The following SMS variants were observed in gnomAD, a reference collection of about 807,000 sequenced individuals.
SMS encodes spermine synthase.
Under a neutral mutation model 33.0 loss-of-function variants are expected in SMS, and 3 were observed. The ratio of observed to expected loss-of-function variants is 0.09; its 90% CI spans 0.04 to 0.23. The LOEUF (loss-of-function observed/expected upper bound fraction) is 0.23, where lower values mean the gene tolerates loss of function less well. Ranked by LOEUF, SMS falls within the 10% of genes least tolerant of loss-of-function variation. The pLI, the probability that SMS is intolerant of heterozygous loss-of-function variation, is 1.00. For synonymous variants in SMS, 103 were observed against 112.2 expected, an observed-to-expected ratio of 0.92 and a Z score of 0.52; for missense variants, 117 against 288.6, an observed-to-expected ratio of 0.41 and a Z score of 4.31.
chrX:21,943,938 T>G (rs1922005378), intron 1 of SMS, among the ~76,000 whole-genome samples: 1 of 111,859 alleles, frequency 8.9e-6, no homozygotes, highest in Non-Finnish European at 1.9e-5. Context: ...TGGATGTGAC[T>G]CAAGGGTGAG....
At chrX:21,989,784 C>G (rs918224850) in intron 9 of SMS, among the ~76,000 whole-genome samples, 1 of 111,215 alleles carries the variant, frequency 9.0e-6, no homozygotes, top group Non-Finnish European at 1.9e-5. Context: ...ACTCTGTGGC[C>G]CAGGCTAGAG....
chrX:21,949,685 T>A (rs1460861478), intron 1 of SMS, among the ~76,000 whole-genome samples: 2 of 112,288 alleles, frequency 1.8e-5, no homozygotes, highest in African/African-American at 6.5e-5. Context: ...GAATTCTCCC[T>A]TCTAGAAGGA....
At chrX:21,970,934 C>T (rs1179580371) in intron 2 of SMS, among the ~76,000 whole-genome samples, 1 of 109,694 alleles carries the variant, frequency 9.1e-6, no homozygotes, top group Non-Finnish European at 1.9e-5. Flanking sequence ...TGGTGGCTCA[C>T]GCCTGTAGTC....
At chrX:21,990,911 C>T (rs1280840608) in intron 9 of SMS, among the ~76,000 whole-genome samples, 2 of 112,513 alleles carry the variant, frequency 1.8e-5, no homozygotes, top group Non-Finnish European at 3.7e-5. Flanking sequence ...GCGAAGGGCA[C>T]TTTGGCCATG....
chrX:21,948,439 C>CTTGTTTTTTTTTTTTTTT (rs1922381909), intron 1 of SMS, among the ~76,000 whole-genome samples: 1 of 80,206 alleles, frequency 1.2e-5, no homozygotes, highest in Admixed American at 1.3e-4. Context: ...GTCAATGTGT[C>CTTGTTTTTTTTTTTTTTT]TTTTTTTTTT....
intron 1 of SMS, among the ~76,000 whole-genome samples, chrX:21,941,585 G>A (rs1369994273): frequency 1.8e-5 from 2 of 110,543 alleles, no homozygotes; most frequent in South Asian, 7.6e-4. Context: ...CCCGAATCGG[G>A]GAGCTATCAA....
chrX:21,994,066 G>A lies in SMS; in HGVS notation c.1062-246G>A, dbSNP rs150974804. ...GACTTTGGAAGCAGTAGTGTTACCT[G>A]AGAGAATATTTGTGTTCCTTTAGCC... On this transcript the variant is annotated intron_variant, in intron 10 of 10. Coordinates refer to ENST00000404933, the MANE Select transcript of SMS (RefSeq NM_004595.5). Among the ~76,000 whole-genome samples the A allele has an allele frequency of 2.7e-5, 3 of 110,024 alleles. No individual in the cohort carries two copies. The East Asian group carries it at 8.6e-4, about 31-fold the overall frequency.
At chrX:21,950,605 C>T (rs990265526) in intron 1 of SMS, among the ~76,000 whole-genome samples, 51 of 107,946 alleles carry the variant, frequency 4.7e-4, no homozygotes, top group Non-Finnish European at 5.8e-4. Flanking sequence ...TTGCCCCCCA[C>T]CCCCTGACAG....
intron 7 of SMS, among the ~76,000 whole-genome samples, chrX:21,980,544 A>C (rs1348057819): frequency 9.3e-6 from 1 of 107,828 alleles, no homozygotes; most frequent in Non-Finnish European, 1.9e-5. Flanking sequence ...TGCAATAGAG[A>C]TGAAACTACC....
chrX:21,979,880 T>C (rs993568262), intron 7 of SMS, among the ~76,000 whole-genome samples: 3 of 107,820 alleles, frequency 2.8e-5, no homozygotes, highest in African/African-American at 1.0e-4. Context: ...TTCCTGACTT[T>C]TTAATGATGG....
At chrX:21,956,306 A>C (rs943751036) in intron 1 of SMS, among the ~76,000 whole-genome samples, 2 of 111,498 alleles carry the variant, frequency 1.8e-5, no homozygotes, top group African/African-American at 6.5e-5. Context: ...TTTTCACGCC[A>C]CTGTCTCTGT....
At chrX:21,979,457 G>C (rs1262773076) in intron 7 of SMS, among the ~76,000 whole-genome samples, 1 of 109,773 alleles carries the variant, frequency 9.1e-6, no homozygotes, top group East Asian at 2.9e-4. Context: ...TGCGGTGTTT[G>C]GTTTTCTGTT....
chrX:21,983,113 C>T (rs771251954), intron 7 of SMS, among the ~76,000 whole-genome samples: 1 of 111,415 alleles, frequency 9.0e-6, no homozygotes, highest in South Asian at 3.8e-4. Context: ...GATCATGGCT[C>T]ACTACAGCCT....
At chrX:21,991,191 T>C (rs983095597) in intron 9 of SMS, among the ~76,000 whole-genome samples, 10 of 112,020 alleles carry the variant, frequency 8.9e-5, no homozygotes, top group African/African-American at 3.3e-4. Context: ...CTTTTTTTTT[T>C]TCTGAATTGG....
chrX:21,949,459 G>A (rs998733868), intron 1 of SMS, among the ~76,000 whole-genome samples: 2 of 112,332 alleles, frequency 1.8e-5, no homozygotes, highest in Non-Finnish European at 3.8e-5. Flanking sequence ...GCTGGCAAGA[G>A]AAGAGGCAGA....
intron 4 of SMS, among the ~76,000 whole-genome samples, chrX:21,973,700 A>G (rs1924342627): frequency 8.8e-6 from 1 of 113,229 alleles, no homozygotes; most frequent in African/African-American, 3.2e-5. Context: ...CTCCCTATCC[A>G]GTGGGATGGG....
At position 21,994,325 on chromosome X, in the gene SMS, A is replaced by G. The variant is rs1224934092; in HGVS notation, c.1075A>G (p.Thr359Ala). The change falls in exon 11 of 11, where the codon ACT (threonine) becomes GCT (alanine). Residue 359 changes from threonine (T) to alanine (A), a missense_variant. Thr to Ala is a moderately conservative substitution (Grantham distance 58, BLOSUM62 0). This residue lies in a region of SMS where 69 missense variants were observed against 203.8 expected (regional missense o/e 0.34). Coordinates refer to ENST00000404933, the MANE Select transcript of SMS (RefSeq NM_004595.5). ...PSYLELWVFYTVWKKAKP is the reference protein window; with the variant it reads ...PSYLELWVFYAVWKKAKP ...CTCCCTGTCCAGGTGGGTATTTTAC[A>G]CTGTTTGGAAGAAAGCTAAACCCTG... The G allele has an allele frequency of 1.7e-5, 20 of 1,209,596 alleles. No individual in the cohort carries two copies. Among genetic ancestry groups the G allele is most frequent in the Non-Finnish European group, 2.0e-5 (18 of 893,788 alleles).
intron 3 of SMS, among the ~76,000 whole-genome samples, 160 bp from the exon 4 acceptor site, chrX:21,972,347 A>T (rs754094373): frequency 1.2e-3 from 131 of 111,267 alleles, no homozygotes; most frequent in African/African-American, 2.8e-3. Flanking sequence ...GGTATGGGAG[A>T]GTGGAATTGG....
intron 1 of SMS, among the ~76,000 whole-genome samples, chrX:21,955,817 G>A (rs1432077588): frequency 8.9e-6 from 1 of 112,085 alleles, no homozygotes; most frequent in African/African-American, 3.2e-5. Flanking sequence ...GTTATTCAGT[G>A]TCTCATAGCC....
Sources: allele counts gnomAD v4.1 joint callset (sites outside exome capture counted in the v4.1 genomes callset), GRCh38; gene constraint gnomAD v4.1.1; regional missense constraint gnomAD v4.1.1; transcripts MANE v1.5; gene names NCBI Gene and HGNC (gene_info 2026-07-23, HGNC 2026-07-21).